Variants in LINGO2 observed in about 807,000 individuals in gnomAD.
LINGO2 encodes the protein leucine rich repeat and Ig domain containing 2.
Under a neutral mutation model 30.6 loss-of-function variants are expected in LINGO2, and 14 were observed. That is an observed-to-expected ratio of 0.46 (90% confidence interval 0.30 to 0.72). LINGO2 has a LOEUF of 0.72. Ranked by LOEUF, LINGO2 falls within the 30% of genes least tolerant of loss-of-function variation. The pLI, the probability that LINGO2 is intolerant of heterozygous loss-of-function variation, is 0.07. For missense variants in LINGO2, 729 were observed against 751.7 expected (o/e 0.97, Z 0.35); for synonymous variants, 317 against 288.5 (o/e 1.10, Z -1.00).
chr9:29,064,022 T>C, the LINGO2 span, among the ~76,000 whole-genome samples: 2 of 152,158 alleles, frequency 1.3e-5, no homozygotes, highest in African/African-American at 4.8e-5. Flanking sequence ...ATGACTTAAT[T>C]AGAAGCTTCA....
At chr9:28,281,820 G>C (rs1429367704) in intron 4 of LINGO2, among the ~76,000 whole-genome samples, 1 of 152,064 alleles carries the variant, frequency 6.6e-6, no homozygotes, top group Non-Finnish European at 1.5e-5. Flanking sequence ...TGACAGACTT[G>C]TTTCTAGACT....
the LINGO2 span, among the ~76,000 whole-genome samples, chr9:28,690,031 T>C: frequency 6.6e-6 from 1 of 152,028 alleles, no homozygotes; most frequent in Non-Finnish European, 1.5e-5. Context: ...TGAGAACACA[T>C]GGACACATGA....
chr9:28,174,921 T>TGTGTGAGAGA (rs962695032), intron 4 of LINGO2, among the ~76,000 whole-genome samples: 36 of 133,418 alleles, frequency 2.7e-4, no homozygotes, highest in African/African-American at 9.9e-4. Flanking sequence ...TGTGTGTGTG[T>TGTGTGAGAGA]GAGAGAGAGA....
the LINGO2 span, chr9:27,938,269 A>G: frequency 6.6e-6 from 1 of 152,124 alleles, no homozygotes; most frequent in African/African-American, 2.4e-5. Context: ...TTCTAGCCGT[A>G]AAGAGATTAG....
intron 3 of LINGO2, among the ~76,000 whole-genome samples, chr9:28,334,424 A>T (rs1825522661): frequency 6.6e-6 from 1 of 152,154 alleles, no homozygotes; most frequent in Admixed American, 6.6e-5. Context: ...AAATATCCAC[A>T]ACGTATAGTT....
the LINGO2 span, among the ~76,000 whole-genome samples, chr9:28,728,628 C>T: frequency 6.6e-6 from 1 of 151,716 alleles, no homozygotes; most frequent in Non-Finnish European, 1.5e-5. Context: ...CGGAAAAAAA[C>T]ATACTGCTAA....
Position 28,180,908 on chromosome 9 carries a change from G to T in LINGO2, c.-87+114300C>A, listed in dbSNP as rs549090960. ...AAACAATGGATTGTTCACTACTCTA[G>T]TTCACATAGTCAAATTGATAACCAT... is the stretch of plus-strand genomic sequence containing the variant. On this transcript the variant is annotated intron_variant, in intron 4 of 5. Transcript: ENST00000379992. Among the ~76,000 whole-genome samples the T allele has an allele frequency of 2.0e-5, 3 of 152,188 alleles. No individual in the cohort carries two copies. The East Asian group carries it at 5.8e-4, about 29-fold the overall frequency.
chr9:28,484,297 G>A (rs745522565), intron 1 of LINGO2, among the ~76,000 whole-genome samples: 3 of 152,036 alleles, frequency 2.0e-5, no homozygotes, highest in Admixed American at 6.6e-5. Context: ...TTAGCACCAA[G>A]AATGGAGCTT....
At chr9:28,671,513 C>CAAAA (rs11286682), upstream of LINGO2, among the ~76,000 whole-genome samples, 11 of 105,658 alleles carry the variant, frequency 1.0e-4, no homozygotes, top group Non-Finnish European at 1.6e-4. Context: ...TTATCTTAAG[C>CAAAA]AAAAAAAAAA....
At chr9:28,684,152 A>C in the LINGO2 span, among the ~76,000 whole-genome samples, 1 of 139,098 alleles carries the variant, frequency 7.2e-6, no homozygotes, top group Non-Finnish European at 1.6e-5. Context: ...TTTTCAGTTT[A>C]GACCAGGTTT....
chr9:29,097,679 G>A, the LINGO2 span, among the ~76,000 whole-genome samples: 2 of 138,500 alleles, frequency 1.4e-5, 1 homozygote, highest in African/African-American at 5.4e-5. Flanking sequence ...CAGGTGGTCA[G>A]TTTTTCTTGT....
the LINGO2 span, among the ~76,000 whole-genome samples, chr9:28,986,314 C>T: frequency 6.6e-6 from 1 of 151,834 alleles, no homozygotes; most frequent in Non-Finnish European, 1.5e-5. Context: ...AGTGTGATGC[C>T]TACAGCTTTG....
chr9:28,479,613 T>C (rs1323849951), intron 1 of LINGO2, among the ~76,000 whole-genome samples: 2 of 151,846 alleles, frequency 1.3e-5, no homozygotes, highest in Non-Finnish European at 2.9e-5. Flanking sequence ...CAGACCCATG[T>C]AATACATAAA....
chr9:29,141,271 T>G, the LINGO2 span, among the ~76,000 whole-genome samples: 1 of 151,956 alleles, frequency 6.6e-6, no homozygotes, highest in South Asian at 2.1e-4. Context: ...GTAATTTGTG[T>G]TATCAATAAC....
At chr9:28,035,272 A>G (rs548625519) in intron 4 of LINGO2, among the ~76,000 whole-genome samples, 2 of 152,320 alleles carry the variant, frequency 1.3e-5, no homozygotes, top group East Asian at 1.9e-4. Context: ...TATAGGCAAA[A>G]TAGATAAAGC....
At chr9:27,977,660 T>C (rs1820665078) in intron 5 of LINGO2, among the ~76,000 whole-genome samples, 1 of 152,070 alleles carries the variant, frequency 6.6e-6, no homozygotes, top group Non-Finnish European at 1.5e-5. Flanking sequence ...TTAAATATTT[T>C]ACTACTGTGT....
chr9:28,964,523 C>G, the LINGO2 span, among the ~76,000 whole-genome samples: 1 of 151,908 alleles, frequency 6.6e-6, no homozygotes, highest in Non-Finnish European at 1.5e-5. Flanking sequence ...CTAGTATGCT[C>G]TGTTTAAGAG....
chr9:28,098,456 C>T (rs1305206368), intron 4 of LINGO2, among the ~76,000 whole-genome samples: 1 of 152,130 alleles, frequency 6.6e-6, no homozygotes, highest in Admixed American at 6.6e-5. Flanking sequence ...GTTTCCTAAA[C>T]CTGCACCACA....
chr9:28,401,201 C>G (rs1286616119), intron 2 of LINGO2, among the ~76,000 whole-genome samples: 1 of 151,854 alleles, frequency 6.6e-6, no homozygotes, highest in Admixed American at 6.6e-5. Context: ...GATAAATGTG[C>G]AGACTGTACA....
Sources: allele counts gnomAD v4.1 joint callset (sites outside exome capture counted in the v4.1 genomes callset), GRCh38; gene constraint gnomAD v4.1.1; transcripts MANE v1.5; gene names NCBI Gene and HGNC (gene_info 2026-07-23, HGNC 2026-07-21).